Variants in VEPH1 observed in about 807,000 individuals in gnomAD.
VEPH1 encodes the protein ventricular zone-expressed PH domain-containing protein homolog 1.
In VEPH1, 80 loss-of-function variants were observed where a neutral mutation model predicts 85.2. The ratio of observed to expected loss-of-function variants is 0.94; its 90% CI spans 0.78 to 1.13. VEPH1 has a LOEUF of 1.13. VEPH1 is among the 50% of genes most tolerant of loss of function. The pLI is 0.00. For missense variants in VEPH1, 955 were observed against 980.5 expected, an observed-to-expected ratio of 0.97 and a Z score of 0.35; for synonymous variants, 297 against 348.0, an observed-to-expected ratio of 0.85 and a Z score of 1.63.
chr3:157,458,974 T>C (rs1184626106), intron 4 of VEPH1, among the ~76,000 whole-genome samples: 1 of 152,212 alleles, frequency 6.6e-6, no homozygotes, highest in Non-Finnish European at 1.5e-5. Flanking sequence ...TCTGTTCTAC[T>C]GAAAAACCAT....
At chr3:157,459,256 G>C (rs1735626362) in intron 4 of VEPH1, among the ~76,000 whole-genome samples, 1 of 152,214 alleles carries the variant, frequency 6.6e-6, no homozygotes, top group Non-Finnish European at 1.5e-5. Flanking sequence ...GGGCTCGCAT[G>C]GTGGAAGAGG....
At chr3:157,493,319 T>C (rs1316670628) in intron 2 of VEPH1, 7 of 455,940 alleles carry the variant, frequency 1.5e-5, no homozygotes, top group Non-Finnish European at 3.1e-5. Context: ...GAAGTGGAAT[T>C]GATTACTGAG....
At chr3:157,324,271 T>C (rs1321791340) in intron 9 of VEPH1, among the ~76,000 whole-genome samples, 1 of 152,168 alleles carries the variant, frequency 6.6e-6, no homozygotes, top group East Asian at 1.9e-4. Flanking sequence ...TTGGCCAGGC[T>C]GGTCTTGAAC....
chr3:157,454,329 C>T (rs1251598818), intron 4 of VEPH1, among the ~76,000 whole-genome samples: 1 of 152,064 alleles, frequency 6.6e-6, no homozygotes, highest in East Asian at 1.9e-4. Context: ...GAGGGAAGCA[C>T]AGGTTGAGTG....
intron 9 of VEPH1, among the ~76,000 whole-genome samples, chr3:157,342,487 T>C (rs1007475211): frequency 6.6e-6 from 1 of 152,324 alleles, no homozygotes; most frequent in East Asian, 1.9e-4. Context: ...CTATCCTAAA[T>C]ATACATGCAT....
chr3:157,446,174 T>C, intron 4 of VEPH1, among the ~76,000 whole-genome samples: 1 of 151,528 alleles, frequency 6.6e-6, no homozygotes, highest in Non-Finnish European at 1.5e-5. Context: ...GTGTAATAAA[T>C]ATGTAATATA....
chr3:157,265,521 C>T lies in VEPH1; in HGVS notation c.2265+5G>A, dbSNP rs142309721. 9.3e-6 allele frequency: 15 copies of T among 1,611,596 alleles called. No individual in the cohort carries two copies. In the East Asian group the frequency reaches 2.7e-4, roughly 29 times the overall value. On this transcript the variant is annotated splice_donor_5th_base_variant and intron_variant, in intron 13 of 13. Coordinates refer to ENST00000362010, the MANE Select transcript of VEPH1 (RefSeq NM_001167912.2). The stretch of plus-strand genomic sequence containing the variant: ...GCAAGTGTAAAAGATGATGGAGGAA[C>T]TTACAGACTTTCCTTTTTGAAACAG...
intron 11 of VEPH1, among the ~76,000 whole-genome samples, chr3:157,305,891 T>C (rs976726917): frequency 6.6e-6 from 1 of 152,234 alleles, no homozygotes; most frequent in Admixed American, 6.5e-5. Context: ...TCATTGATTA[T>C]TGATTTTCAT....
rs1488116989 is a variant in VEPH1, at chr3:157,363,454, A to G, written c.1645T>C (p.Leu549=). Reference sequence around the variant, plus strand: ...TTGCTGAGGTTTTTTTTTAAGTGCAAGTAGAGCTTATCTTGGTATTCTATA... The same window carrying G: ...TTGCTGAGGTTTTTTTTTAAGTGCAGGTAGAGCTTATCTTGGTATTCTATA... ...SPIEYQDKLY[L]HLKKNLSKVK... The change falls in exon 9 of 14, where the codon TTG becomes CTG. Residue 549 remains leucine, a synonymous_variant. Transcript: ENST00000362010. The G allele has an allele frequency of 3.1e-6, 5 of 1,613,758 alleles. No homozygotes were observed. Among genetic ancestry groups the G allele is most frequent in the Admixed American group, 1.7e-5 (1 of 59,946 alleles).
intron 12 of VEPH1, among the ~76,000 whole-genome samples, chr3:157,282,648 T>A (rs1716287059): frequency 6.6e-6 from 1 of 152,112 alleles, no homozygotes; most frequent in African/African-American, 2.4e-5. Flanking sequence ...TGAGTGAAAG[T>A]CATGACCCAG....
intron 5 of VEPH1, among the ~76,000 whole-genome samples, chr3:157,420,032 T>A (rs546982476): frequency 2.6e-5 from 4 of 152,204 alleles, no homozygotes; most frequent in Non-Finnish European, 4.4e-5. Flanking sequence ...AGGACATGGA[T>A]GGAGCTGGAA....
At chr3:157,401,753 G>A (rs1425456000) in intron 6 of VEPH1, among the ~76,000 whole-genome samples, 5 of 145,660 alleles carry the variant, frequency 3.4e-5, no homozygotes, top group South Asian at 4.3e-4. Flanking sequence ...TTTTGGTTTC[G>A]CAGCAACTGT....
chr3:157,304,019 T>TATATA lies in VEPH1; in HGVS notation c.2010+9601_2010+9602insTATAT, dbSNP rs71872669. Reference sequence around the variant, plus strand: ...GTAGACTTAAATTTCTCATCTTATATTTTTTATATATATATATATACACAC... The same window carrying TATATA: ...GTAGACTTAAATTTCTCATCTTATATATATATTTTTATATATATATATATACACAC... On this transcript the variant is annotated intron_variant, in intron 11 of 13. Coordinates refer to ENST00000362010, the MANE Select transcript of VEPH1 (RefSeq NM_001167912.2). 2.5e-3 allele frequency among the ~76,000 whole-genome samples: 132 copies of TATATA among 52,282 alleles called. 1 individual carries two copies. Among genetic ancestry groups the TATATA allele is most frequent in the Non-Finnish European group, 4.9e-3 (108 of 21,908 alleles). 34.3% of individuals were successfully genotyped at this position (52,282 alleles called of 152,430 possible).
chr3:157,286,352 G>A (rs4680352), intron 12 of VEPH1: 143,977 of 597,118 alleles, frequency 0.24, 19,769 homozygotes, highest in Admixed American at 0.44. Flanking sequence ...GTAAGGGATT[G>A]TTTCTCTGCC....
At chr3:157,303,822 GTTC>G (rs1719108175) in intron 11 of VEPH1, among the ~76,000 whole-genome samples, 1 of 151,712 alleles carries the variant, frequency 6.6e-6, no homozygotes. Context: ...GATTTTCCTG[GTTC>G]TGAGCTCATA....
At chr3:157,331,001 T>C (rs970630374) in intron 9 of VEPH1, among the ~76,000 whole-genome samples, 8 of 152,332 alleles carry the variant, frequency 5.3e-5, no homozygotes, top group South Asian at 4.1e-4. Flanking sequence ...GCTAGTGCTC[T>C]CCTATCCGGA....
intron 5 of VEPH1, among the ~76,000 whole-genome samples, chr3:157,422,855 C>T (rs184197152): frequency 1.3e-5 from 2 of 152,214 alleles, no homozygotes; most frequent in East Asian, 3.9e-4. Flanking sequence ...CCTTTCCTAA[C>T]CTTCCCTTCC....
rs368836087 is a variant in VEPH1 at position 157,460,296 on chromosome 3, G to A, written c.414C>T (p.His138=). ...LAIPIAVKFL[H]RGNKELCRNM... ...TCCTGCACAGTTCCTTGTTGCCTCT[G>A]TGGAGGAATTTCACTGCAATGGGGA... is the stretch of plus-strand genomic sequence containing the variant. The change falls in exon 4 of 14, where the codon CAC becomes CAT. Residue 138 remains histidine, a synonymous_variant. Coordinates refer to ENST00000362010, the MANE Select transcript of VEPH1 (RefSeq NM_001167912.2). 2.4e-5 allele frequency: 39 copies of A among 1,614,068 alleles called. No individual in the cohort carries two copies. Among genetic ancestry groups the A allele is most frequent in the Non-Finnish European group, 3.1e-5 (36 of 1,180,032 alleles).
chr3:157,417,602 A>G (rs1474121451), intron 5 of VEPH1, among the ~76,000 whole-genome samples: 1 of 152,156 alleles, frequency 6.6e-6, no homozygotes. Flanking sequence ...TGATGGGCCT[A>G]TCTGCAGACT....
Sources: gnomAD v4.1 joint callset for allele counts (sites outside exome capture counted in the v4.1 genomes callset) on GRCh38, gnomAD v4.1.1 for gene constraint, MANE v1.5 for transcripts, NCBI Gene and HGNC (gene_info 2026-07-23, HGNC 2026-07-21) for gene names.